The following TERB1 variants were observed in gnomAD, a reference collection of about 807,000 sequenced individuals.
The protein encoded by TERB1 is telomere repeats-binding bouquet formation protein 1.
TERB1 carries 63 observed loss-of-function variants against 92.3 expected under a neutral mutation model. The ratio of observed to expected loss-of-function variants is 0.68; its 90% CI spans 0.56 to 0.84. The LOEUF is 0.84. Ranked by LOEUF, TERB1 falls within the 40% of genes least tolerant of loss-of-function variation. TERB1 has a pLI of 0.00. For synonymous variants in TERB1, 252 were observed against 283.9 expected (o/e 0.89, Z 1.13); for missense variants, 709 against 843.7 (o/e 0.84, Z 1.98).
chr16:66,794,545 C>T (rs946966534), intron 3 of TERB1, among the ~76,000 whole-genome samples: 3 of 152,178 alleles, frequency 2.0e-5, no homozygotes, highest in Non-Finnish European at 2.9e-5. Context: ...TTTATCTTCT[C>T]TAGGCAAAGT....
intron 14 of TERB1, among the ~76,000 whole-genome samples, chr16:66,769,380 A>G (rs2018405014): frequency 6.6e-6 from 1 of 152,052 alleles, no homozygotes; most frequent in Non-Finnish European, 1.5e-5. Context: ...CATCCTCTTC[A>G]TTTTTCCCAA....
At chr16:66,764,324 G>A (rs920340805) in intron 16 of TERB1, among the ~76,000 whole-genome samples, 1 of 152,166 alleles carries the variant, frequency 6.6e-6, no homozygotes, top group South Asian at 2.1e-4. Flanking sequence ...TAAGGGAAAC[G>A]TTTAGGATAA....
intron 3 of TERB1, 92 bp downstream of exon 3, chr16:66,796,676 A>G: frequency 2.2e-6 from 2 of 911,726 alleles, no homozygotes; most frequent in South Asian, 1.5e-5. Flanking sequence ...TGGCTGAATG[A>G]TTCTTTCATT....
chr16:66,789,420 T>C (rs2018786813), intron 5 of TERB1, among the ~76,000 whole-genome samples: 1 of 75,488 alleles, frequency 1.3e-5, no homozygotes, highest in African/African-American at 7.0e-5. Flanking sequence ...CCGTCTCTAC[T>C]AAAAATACAA....
At chr16:66,769,465 AACT>A (rs2018406515) in intron 14 of TERB1, among the ~76,000 whole-genome samples, 1 of 152,186 alleles carries the variant, frequency 6.6e-6, no homozygotes, top group Non-Finnish European at 1.5e-5. Context: ...TAGCCCCACA[AACT>A]AACTGCAAGG....
At chr16:66,767,624 G>A in intron 15 of TERB1, 114 bp from the exon 16 acceptor site, 1 of 570,130 alleles carries the variant, frequency 1.8e-6, no homozygotes. Context: ...TATGCCTCCA[G>A]TCATGCTGGT....
chr16:66,786,308 A>T (rs756456218), intron 6 of TERB1, 23 bp from the exon 7 acceptor site: 21 of 1,498,024 alleles, frequency 1.4e-5, no homozygotes, highest in African/African-American at 1.1e-4. Context: ...GCCATATAAA[A>T]ATATGAGTTT....
intron 18 of TERB1, 40 bp downstream of exon 18, chr16:66,758,733 C>T (rs756224427): frequency 4.0e-6 from 5 of 1,261,178 alleles, no homozygotes; most frequent in Non-Finnish European, 4.5e-6. Context: ...AGAGCCAGAC[C>T]CTGTCTCAAG....
intron 5 of TERB1, among the ~76,000 whole-genome samples, chr16:66,789,250 A>G (rs1485422045): frequency 6.6e-6 from 1 of 151,930 alleles, no homozygotes; most frequent in Non-Finnish European, 1.5e-5. Flanking sequence ...CCCTATAAAT[A>G]TATACACCTA....
In TERB1 at chr16:66,755,071, A is replaced by G; in HGVS notation, c.2089T>C (p.Leu697=). Residue 697 remains leucine (L), a synonymous_variant, in exon 19 of 19, where the codon TTG becomes CTG. Transcript: ENST00000433154. ...CCTTGCTGAAAGGGGAAAGACCACA[A>G]AATTGAATTCCAGTGATTTCCCATT... ...KKMGNHWNSI[L]WSFPFQQGRK... The G allele has an allele frequency of 6.4e-7, 1 of 1,551,600 alleles. No homozygotes were observed. The highest frequency in any genetic ancestry group is 8.7e-7 in the Non-Finnish European group (1 of 1,146,900).
At chr16:66,778,237 A>C (rs2018580984) in intron 10 of TERB1, among the ~76,000 whole-genome samples, 1 of 152,016 alleles carries the variant, frequency 6.6e-6, no homozygotes, top group African/African-American at 2.4e-5. Context: ...TCTCAAAAAT[A>C]TCCCTTGGTT....
At chr16:66,783,247 TAAG>T (rs1023697674) in intron 9 of TERB1, among the ~76,000 whole-genome samples, 18 of 152,240 alleles carry the variant, frequency 1.2e-4, no homozygotes, top group African/African-American at 4.3e-4. Flanking sequence ...TTTATCACAT[TAAG>T]GAAGTTTCCT....
chr16:66,769,296 T>C (rs1248109796), intron 14 of TERB1, among the ~76,000 whole-genome samples: 3 of 152,140 alleles, frequency 2.0e-5, no homozygotes, highest in Middle Eastern at 6.8e-3. Flanking sequence ...TTGAAACAGA[T>C]AAAAGGGGTG....
Position 66,767,523 on chromosome 16 carries a change from G to T in TERB1, c.1685-13C>A. The stretch of plus-strand genomic sequence containing the variant: ...AATGTAAATGGATCTGAAAAAAATT[G>T]CAAAATGAAGGATTTTTGGATTAAT... On this transcript the variant is annotated splice_polypyrimidine_tract_variant and intron_variant, in intron 15 of 18. Transcript: ENST00000433154. The T allele has an allele frequency of 8.4e-7, 1 of 1,193,732 alleles. No individual in the cohort carries two copies. The highest frequency in any genetic ancestry group is 1.2e-6 in the Non-Finnish European group (1 of 855,836). 73.9% of individuals were successfully genotyped at this position (1,193,732 alleles called of 1,614,324 possible).
chr16:66,785,483 A>G (rs1323464587), intron 9 of TERB1, among the ~76,000 whole-genome samples: 3 of 151,962 alleles, frequency 2.0e-5, no homozygotes, highest in Non-Finnish European at 4.4e-5. Context: ...GTTTTTATTC[A>G]TTTCTAATTT....
Position 66,785,817 on chromosome 16 carries a change from G to C in TERB1, c.669C>G (p.Cys223Trp). Residue 223 changes from cysteine to tryptophan, a missense_variant, in exon 9 of 19, where the codon TGC becomes TGG. By Grantham distance (215) the Cys-to-Trp change is radical. Coordinates refer to ENST00000433154, the MANE Select transcript of TERB1 (RefSeq NM_001136505.2). ...CTTPEIIRPICSFIGLTLANN... is the reference protein window; with the variant it reads ...CTTPEIIRPIWSFIGLTLANN... ...TTGCAAGAGTGAGTCCAATAAATGA[G>C]CAAATAGGGCGAATTATCTCAGGTG... is the stretch of plus-strand genomic sequence containing the variant. 1 of 1,547,352 alleles carries C rather than the reference G, an allele frequency of 6.5e-7. No homozygotes were observed. Among genetic ancestry groups the C allele is most frequent in the Non-Finnish European group, 8.7e-7 (1 of 1,145,082 alleles).
chr16:66,793,331 C>T (rs2145243436), intron 3 of TERB1, among the ~76,000 whole-genome samples: 1 of 150,890 alleles, frequency 6.6e-6, no homozygotes, highest in South Asian at 2.1e-4. Context: ...ATTCTCCTGC[C>T]TCAGCCTCCC....
At chr16:66,770,994 G>T (rs142912839) in intron 13 of TERB1, among the ~76,000 whole-genome samples, 1 of 152,120 alleles carries the variant, frequency 6.6e-6, no homozygotes, top group East Asian at 1.9e-4. Context: ...GGGACCACAG[G>T]CATACAACAC....
Position 66,790,003 on chromosome 16 carries a change from G to A in TERB1, c.271+592C>T, listed in dbSNP as rs375772871. On this transcript the variant is annotated intron_variant, in intron 5 of 18. Transcript: ENST00000433154. ...TGGGATTATAGGCGTGAGCCACCAC[G>A]CCTGGCTGATGAAGAAATATTTAAT... Among the ~76,000 whole-genome samples the A allele has an allele frequency of 4.6e-5, 7 of 152,206 alleles. No homozygotes were observed. The East Asian group carries it at 5.8e-4, about 13-fold the overall frequency.
Sources: allele counts gnomAD v4.1 joint callset (sites outside exome capture counted in the v4.1 genomes callset), GRCh38; gene constraint gnomAD v4.1.1; transcripts MANE v1.5; gene names NCBI Gene and HGNC (gene_info 2026-07-23, HGNC 2026-07-21).